Variants in SF3B1 observed in about 807,000 individuals in gnomAD.
The protein encoded by SF3B1 is splicing factor 3b subunit 1.
SF3B1 carries 12 observed loss-of-function variants against 153.8 expected under a neutral mutation model. That is an observed-to-expected ratio of 0.08 (90% CI 0.05 to 0.13). The LOEUF is 0.13. Ranked by LOEUF, SF3B1 falls within the 10% of genes least tolerant of loss-of-function variation. The probability of loss-of-function intolerance (pLI) is 1.00; values close to 1 mark genes in which losing one functional copy is unlikely to be tolerated. For missense variants in SF3B1, 513 were observed against 1,606.1 expected, an observed-to-expected ratio of 0.32 and a Z score of 11.63; for synonymous variants, 498 against 525.2, an observed-to-expected ratio of 0.95 and a Z score of 0.71.
chr2:197,423,775 A>C, intron 2 of SF3B1, 33 bp downstream of exon 2: 2 of 1,601,134 alleles, frequency 1.2e-6, no homozygotes, highest in Non-Finnish European at 1.7e-6. Flanking sequence ...TCTCAAAAAA[A>C]TAACTGCCTC....
intron 9 of SF3B1, 142 bp downstream of exon 9, chr2:197,407,856 T>G: frequency 1.5e-6 from 1 of 679,622 alleles, no homozygotes. Flanking sequence ...TATATGGAAC[T>G]GAAATATACC....
Position 197,420,468 on chromosome 2 carries a change from G to A in SF3B1, c.375C>T (p.Thr125=), listed in dbSNP as rs752671547. ...REDEYKKHRR[T]MIISPERLDP... ...CAAGACGCTCTGGGGAAATTATCAT[G>A]GTCCGCCTATGCTTTTTGTATTCAT... is the stretch of plus-strand genomic sequence containing the variant. Residue 125 remains threonine, a synonymous_variant, in exon 4 of 25, where the codon ACC becomes ACT. Coordinates refer to ENST00000335508, the MANE Select transcript of SF3B1 (RefSeq NM_012433.4). 18 of 1,613,358 alleles carry A rather than the reference G, an allele frequency of 1.1e-5. No individual in the cohort carries two copies. Among genetic ancestry groups the A allele is most frequent in the East Asian group, 2.2e-5 (1 of 44,876 alleles).
intron 23 of SF3B1, among the ~76,000 whole-genome samples, chr2:197,394,840 G>C (rs1014017536): frequency 6.6e-6 from 1 of 152,130 alleles, no homozygotes. Context: ...GGGAGGCAGA[G>C]GTTGCAGTAT....
Position 197,423,540 on chromosome 2 carries a change from A to G in SF3B1, c.195+268T>C, listed in dbSNP as rs76023370. On this transcript the variant is annotated intron_variant, in intron 2 of 24. Coordinates refer to ENST00000335508, the MANE Select transcript of SF3B1 (RefSeq NM_012433.4). Reference sequence around the variant, plus strand: ...CTAGATAGAGCTGATAAGTAATGGTAGGGATTTACTTTACTCTTAACTTTA... The same window carrying G: ...CTAGATAGAGCTGATAAGTAATGGTGGGGATTTACTTTACTCTTAACTTTA... Among the ~76,000 whole-genome samples the G allele has an allele frequency of 9.7e-3, 1,477 of 152,306 alleles. 34 individuals carry two copies. The highest frequency in any genetic ancestry group is 0.033 in the African/African-American group (1,360 of 41,576).
At chr2:197,397,053 C>T (rs1282499170) in intron 22 of SF3B1, among the ~76,000 whole-genome samples, 1 of 152,190 alleles carries the variant, frequency 6.6e-6, no homozygotes, top group Non-Finnish European at 1.5e-5. Flanking sequence ...GTCTCGTTTT[C>T]TACAATGACT....
intron 9 of SF3B1, 71 bp downstream of exon 9, chr2:197,407,927 A>G: frequency 7.0e-7 from 1 of 1,421,206 alleles, no homozygotes; most frequent in Non-Finnish European, 9.8e-7. Context: ...ATGCAAGCTT[A>G]ATCAATTTTT....
intron 2 of SF3B1, 58 bp downstream of exon 2, chr2:197,423,750 T>C (rs2106015261): frequency 1.3e-6 from 2 of 1,534,716 alleles, no homozygotes; most frequent in East Asian, 4.5e-5. Flanking sequence ...CAAAAGTTAT[T>C]CATATTTCTT....
intron 9 of SF3B1, among the ~76,000 whole-genome samples, chr2:197,406,410 GC>G (rs1199055316): frequency 6.6e-6 from 1 of 151,994 alleles, no homozygotes; most frequent in African/African-American, 2.4e-5. Context: ...ATTTTTTGTT[GC>G]TAGTTAACGT....
Position 197,401,769 on chromosome 2 carries a change from A to T in SF3B1, c.2343T>A (p.Asp781Glu), listed in dbSNP as rs2105984207. The T allele has an allele frequency of 6.2e-7, 1 of 1,610,798 alleles. No individual in the cohort carries two copies. ...LILIREFQSP[D>E]EEMKKIVLKV... is the part of the protein sequence containing the mutation. Reference sequence around the variant, plus strand: ...TCAGCACAATTTTTTTCATTTCCTCATCAGGAGACTGGAATTCTCGAATAA... The same window carrying T: ...TCAGCACAATTTTTTTCATTTCCTCTTCAGGAGACTGGAATTCTCGAATAA... Residue 781 changes from aspartate (D) to glutamate (E), a missense_variant, in exon 16 of 25, where the codon GAT becomes GAA. Coordinates refer to ENST00000335508, the MANE Select transcript of SF3B1 (RefSeq NM_012433.4). The surrounding 1 kb of genome is among the most constrained non-coding windows in gnomAD (Gnocchi z 4.2).
chr2:197,405,151 A>T lies in SF3B1; in HGVS notation c.1464T>A (p.Ser488Arg). 6.2e-7 allele frequency: 1 copy of T among 1,612,264 alleles called. No homozygotes were observed. Among genetic ancestry groups the T allele is most frequent in the Non-Finnish European group, 8.5e-7 (1 of 1,179,022 alleles). The change falls in exon 11 of 25, where the codon AGT becomes AGA. Residue 488 changes from serine to arginine, a missense_variant. Ser to Arg is a moderately radical substitution (Grantham distance 110). Around this residue, in one of 21 missense-constraint regions of SF3B1, gnomAD observed 34 missense variants for 190.8 expected, o/e 0.18. Coordinates refer to ENST00000335508, the MANE Select transcript of SF3B1 (RefSeq NM_012433.4). ...TTTTTCTCTCTTTTTGCTCTTCTGGACTAAGTGTTGATTCATCAACATCAA... is the reference window on the plus strand; with the variant it reads ...TTTTTCTCTCTTTTTGCTCTTCTGGTCTAAGTGTTGATTCATCAACATCAA... The part of the protein sequence containing the change: ...LLVDVDESTL[S>R]PEEQKERKIM...
At chr2:197,422,083 C>A (rs1444458926) in intron 2 of SF3B1, among the ~76,000 whole-genome samples, 1 of 151,926 alleles carries the variant, frequency 6.6e-6, no homozygotes, top group African/African-American at 2.4e-5. Flanking sequence ...ATCTTAACAC[C>A]TCACTTATTT....
In SF3B1 at chr2:197,405,488, A is replaced by C. The variant is rs770519033; in HGVS notation, c.1240-16T>G. 1.9e-6 allele frequency: 3 copies of C among 1,570,974 alleles called. No homozygotes were observed. In the South Asian group the frequency reaches 3.4e-5, roughly 18 times the overall value. On this transcript the variant is annotated splice_polypyrimidine_tract_variant and intron_variant, in intron 9 of 24. Coordinates refer to ENST00000335508, the MANE Select transcript of SF3B1 (RefSeq NM_012433.4). Reference sequence around the variant, plus strand: ...GAGGAAGTACCTAATAAAAGTTATAAGACAGTTTAGGATTTTCTTAACTTA... The same window carrying C: ...GAGGAAGTACCTAATAAAAGTTATACGACAGTTTAGGATTTTCTTAACTTA...
intron 8 of SF3B1, 77 bp from the exon 9 acceptor site, chr2:197,408,196 T>TAA: frequency 7.2e-6 from 10 of 1,381,420 alleles, no homozygotes; most frequent in Non-Finnish European, 1.0e-5. Context: ...AAAAGACAGT[T>TAA]AAGATCAATC....
chr2:197,398,731 A>T, intron 20 of SF3B1, 150 bp from the exon 21 acceptor site: 3 of 714,694 alleles, frequency 4.2e-6, no homozygotes, highest in Non-Finnish European at 6.8e-6. Flanking sequence ...GACCAGACTC[A>T]GAATCGTTTT....
At chr2:197,399,961 C>A in intron 20 of SF3B1, 94 bp downstream of exon 20, 1 of 840,208 alleles carries the variant, frequency 1.2e-6, no homozygotes, top group South Asian at 1.7e-5. Context: ...TAACAAAAAC[C>A]TCCCAACTCC....
intron 4 of SF3B1, chr2:197,419,354 A>G (rs1424289910): frequency 3.9e-6 from 1 of 256,578 alleles, no homozygotes; most frequent in Non-Finnish European, 7.6e-6. Flanking sequence ...TCAAACTTCA[A>G]AATATCTTAC....
intron 2 of SF3B1, among the ~76,000 whole-genome samples, chr2:197,422,415 G>C (rs376822479): frequency 1.3e-5 from 2 of 151,936 alleles, no homozygotes; most frequent in African/African-American, 2.4e-5. Flanking sequence ...ATGGGGTGGG[G>C]GTAGGGGGGA....
chr2:197,411,658 T>TGA (rs1333745040), intron 6 of SF3B1, among the ~76,000 whole-genome samples: 4 of 144,994 alleles, frequency 2.8e-5, no homozygotes, highest in African/African-American at 1.0e-4. Flanking sequence ...AGCGACAGAG[T>TGA]GAGACCCCGT....
intron 2 of SF3B1, 28 bp from the exon 3 acceptor site, chr2:197,421,161 T>C: frequency 7.0e-7 from 1 of 1,436,124 alleles, no homozygotes; most frequent in Non-Finnish European, 9.8e-7. Context: ...CAAAAAGCCA[T>C]AAACAAAATG....
Sources: allele counts gnomAD v4.1 joint callset (sites outside exome capture counted in the v4.1 genomes callset), GRCh38; gene constraint gnomAD v4.1.1; regional missense constraint gnomAD v4.1.1; non-coding constraint Gnocchi (gnomAD v3.1); transcripts MANE v1.5; gene names NCBI Gene and HGNC (gene_info 2026-07-23, HGNC 2026-07-21).